The following HTR2C variants were observed in gnomAD, a reference collection of about 807,000 sequenced individuals.
The protein encoded by HTR2C is 5-hydroxytryptamine (serotonin) receptor 2C, G protein-coupled.
Under a neutral mutation model 21.0 loss-of-function variants are expected in HTR2C, and 5 were observed. The ratio of observed to expected loss-of-function variants is 0.24; its 90% CI spans 0.12 to 0.50. The LOEUF (loss-of-function observed/expected upper bound fraction) is 0.50. Ranked by LOEUF, HTR2C falls within the 20% of genes least tolerant of loss-of-function variation. HTR2C has a pLI of 0.98. For missense variants in HTR2C, 271 were observed against 371.2 expected (o/e 0.73, Z 2.22); for synonymous variants, 150 against 145.3 (o/e 1.03, Z -0.23).
chrX:114,607,123 T>A (rs1040925419), intron 1 of HTR2C, among the ~76,000 whole-genome samples: 3 of 110,415 alleles, frequency 2.7e-5, no homozygotes, highest in African/African-American at 1.0e-4. Flanking sequence ...TGTCATCAGT[T>A]AAGGTGGGGC....
chrX:114,707,006 T>C (rs995183744), intron 2 of HTR2C, among the ~76,000 whole-genome samples: 2 of 111,622 alleles, frequency 1.8e-5, no homozygotes, highest in South Asian at 7.3e-4. Flanking sequence ...TCCTATAGTT[T>C]ATTAAAAATA....
intron 2 of HTR2C, among the ~76,000 whole-genome samples, chrX:114,635,875 A>G (rs1929821881): frequency 9.0e-6 from 1 of 111,467 alleles, no homozygotes. Context: ...TTTTTCTTGC[A>G]AGTACCCTTT....
intron 5 of HTR2C, among the ~76,000 whole-genome samples, chrX:114,878,496 C>T (rs1451211409): frequency 4.5e-5 from 5 of 110,757 alleles, no homozygotes; most frequent in Non-Finnish European, 9.5e-5. Context: ...TGCTTTACAA[C>T]CTTCCAATAA....
At chrX:114,646,782 T>A (rs1198195270) in intron 2 of HTR2C, among the ~76,000 whole-genome samples, 1 of 112,404 alleles carries the variant, frequency 8.9e-6, no homozygotes, top group Non-Finnish European at 1.9e-5. Context: ...CCAGTAGTTT[T>A]ACAGTTTCAA....
intron 2 of HTR2C, among the ~76,000 whole-genome samples, chrX:114,660,866 C>T (rs782358480): frequency 2.5e-4 from 28 of 111,824 alleles, no homozygotes; most frequent in Middle Eastern, 4.6e-3. Context: ...GCCTCTAAAC[C>T]GGTAGCAAGT....
At chrX:114,739,032 T>C (rs1006486724) in intron 4 of HTR2C, among the ~76,000 whole-genome samples, 1 of 110,854 alleles carries the variant, frequency 9.0e-6, no homozygotes, top group Non-Finnish European at 1.9e-5. Context: ...AAAATATTAA[T>C]TTAAAAGTAT....
intron 2 of HTR2C, among the ~76,000 whole-genome samples, chrX:114,712,042 C>A (rs1761658893): frequency 9.0e-6 from 1 of 111,572 alleles, no homozygotes; most frequent in Non-Finnish European, 1.9e-5. Context: ...ATAGAAGAAG[C>A]AACGCTGCCT....
chrX:114,725,609 C>G (rs1193641772), intron 2 of HTR2C, among the ~76,000 whole-genome samples: 1 of 111,728 alleles, frequency 9.0e-6, no homozygotes, highest in Non-Finnish European at 1.9e-5. Flanking sequence ...TTAGAGTTTC[C>G]AGTTTTTCTA....
At chrX:114,727,617 G>GA (rs782338140) in intron 3 of HTR2C, among the ~76,000 whole-genome samples, 6 of 111,794 alleles carry the variant, frequency 5.4e-5, no homozygotes, top group African/African-American at 1.9e-4. Flanking sequence ...ACGAAGCATA[G>GA]AAAAAAATGA....
chrX:114,875,973 G>C lies in HTR2C; in HGVS notation c.550+27770G>C, dbSNP rs782291362. 7.5e-5 allele frequency among the ~76,000 whole-genome samples: 8 copies of C among 106,842 alleles called. No homozygotes were observed. The East Asian group carries it at 1.8e-3, about 24-fold the overall frequency. The allele number at this position is 106,842 out of a possible 115,157, so 92.8% of individuals were successfully genotyped here. On this transcript the variant is annotated intron_variant, in intron 5 of 5. Coordinates refer to ENST00000276198, the MANE Select transcript of HTR2C (RefSeq NM_000868.4). ...TGTCACTGGAATTTTAATAGGGATT[G>C]TATTAAATTTGTATATTGCTTTGAG...
intron 4 of HTR2C, among the ~76,000 whole-genome samples, chrX:114,757,831 T>G (rs1422797797): frequency 8.9e-6 from 1 of 112,114 alleles, no homozygotes; most frequent in Non-Finnish European, 1.9e-5. Flanking sequence ...TTTCTATTAA[T>G]GCATATTAGG....
At chrX:114,818,515 T>C (rs1324655286) in intron 4 of HTR2C, among the ~76,000 whole-genome samples, 1 of 112,083 alleles carries the variant, frequency 8.9e-6, no homozygotes, top group East Asian at 2.8e-4. Context: ...AATTGTACCC[T>C]AATATACATA....
At chrX:114,652,869 T>C (rs1930634646) in intron 2 of HTR2C, 1 of 171,123 alleles carries the variant, frequency 5.8e-6, no homozygotes, top group Non-Finnish European at 1.3e-5. Context: ...GGCCAGATTA[T>C]TTCTCATCTG....
chrX:114,597,872 T>C (rs1927927524), intron 1 of HTR2C, among the ~76,000 whole-genome samples: 1 of 112,030 alleles, frequency 8.9e-6, no homozygotes, highest in African/African-American at 3.2e-5. Context: ...ATTTAAAGTT[T>C]TGGGTAATAT....
chrX:114,731,985 G>A (rs1210164950), intron 4 of HTR2C, among the ~76,000 whole-genome samples: 4 of 111,141 alleles, frequency 3.6e-5, no homozygotes, highest in South Asian at 3.8e-4. Flanking sequence ...AGGAAAAACC[G>A]GCTCATCCTC....
chrX:114,713,943 T>G (rs1271955865), intron 2 of HTR2C, among the ~76,000 whole-genome samples: 1 of 111,669 alleles, frequency 9.0e-6, no homozygotes, highest in East Asian at 2.8e-4. Flanking sequence ...CTGACAGGTT[T>G]TATTTTATAA....
At chrX:114,689,667 A>G (rs1191689709) in intron 2 of HTR2C, among the ~76,000 whole-genome samples, 1 of 111,351 alleles carries the variant, frequency 9.0e-6, no homozygotes, top group Non-Finnish European at 1.9e-5. Flanking sequence ...CTTCAAAGAC[A>G]GCATCACTTC....
intron 2 of HTR2C, among the ~76,000 whole-genome samples, chrX:114,720,230 T>C (rs941151731): frequency 2.7e-5 from 3 of 111,278 alleles, no homozygotes; most frequent in African/African-American, 6.5e-5. Context: ...TTCCTAGATA[T>C]TGGAAGGCCA....
intron 4 of HTR2C, among the ~76,000 whole-genome samples, chrX:114,806,967 C>CAT (rs1328012482): frequency 3.1e-5 from 3 of 96,481 alleles, no homozygotes; most frequent in South Asian, 4.7e-4. Flanking sequence ...ATGTATATAC[C>CAT]ATATATACCA....
Sources: allele counts gnomAD v4.1 joint callset (sites outside exome capture counted in the v4.1 genomes callset), GRCh38; gene constraint gnomAD v4.1.1; transcripts MANE v1.5; gene names NCBI Gene and HGNC (gene_info 2026-07-23, HGNC 2026-07-21).